The following EYA3 variants were observed in gnomAD, a reference collection of about 807,000 sequenced individuals.
EYA3 encodes EYA transcriptional coactivator and phosphatase 3, also known as protein phosphatase EYA3.
A neutral mutation model predicts 80.0 loss-of-function variants in EYA3; 39 were observed. The ratio of observed to expected loss-of-function variants is 0.49; its 90% CI spans 0.38 to 0.64. The LOEUF is 0.64. EYA3 is among the 30% of genes least tolerant of loss of function. EYA3 has a pLI of 0.00. For missense variants in EYA3, 523 were observed against 676.1 expected (o/e 0.77, Z 2.51); for synonymous variants, 206 against 232.8 (o/e 0.88, Z 1.05).
intron 13 of EYA3, among the ~76,000 whole-genome samples, chr1:27,997,107 C>G (rs1049213179): frequency 6.6e-5 from 10 of 152,260 alleles, no homozygotes; most frequent in African/African-American, 1.9e-4. Context: ...CCTATCCCAA[C>G]AGAATTCTTT....
chr1:28,061,519 A>G (rs781374008), intron 1 of EYA3, among the ~76,000 whole-genome samples: 5 of 152,228 alleles, frequency 3.3e-5, no homozygotes, highest in Non-Finnish European at 7.3e-5. Context: ...AAAACTTGGT[A>G]ATAAAAGAAG....
At chr1:28,027,715 G>A in intron 7 of EYA3, 74 bp downstream of exon 7, 1 of 1,577,930 alleles carries the variant, frequency 6.3e-7, no homozygotes, top group South Asian at 1.1e-5. Context: ...TTGTTTGTTT[G>A]GAGATACAGG....
At chr1:28,080,484 G>C (rs1163448641) in intron 1 of EYA3, among the ~76,000 whole-genome samples, 1 of 151,870 alleles carries the variant, frequency 6.6e-6, no homozygotes, top group African/African-American at 2.4e-5. Context: ...AAACAAAATA[G>C]AATAGAAAAT....
At chr1:28,001,729 A>T (rs1640862742) in intron 11 of EYA3, among the ~76,000 whole-genome samples, 1 of 118,470 alleles carries the variant, frequency 8.4e-6, no homozygotes, top group Admixed American at 8.3e-5. Context: ...ACAGAGCGAG[A>T]CTCTGTCTCA....
intron 15 of EYA3, 50 bp from the exon 16 acceptor site, chr1:27,988,706 G>A (rs1287348826): frequency 6.3e-7 from 1 of 1,599,180 alleles, no homozygotes; most frequent in Non-Finnish European, 8.5e-7. Context: ...ACCAACCTGG[G>A]AGCAAGAATT....
intron 8 of EYA3, among the ~76,000 whole-genome samples, chr1:28,016,358 A>T (rs760564128): frequency 2.0e-5 from 3 of 152,008 alleles, no homozygotes; most frequent in Non-Finnish European, 4.4e-5. Flanking sequence ...GTGAAACCTC[A>T]TCTCTACTAA....
At chr1:28,019,375 T>C (rs1294853782) in intron 7 of EYA3, among the ~76,000 whole-genome samples, 1 of 152,208 alleles carries the variant, frequency 6.6e-6, no homozygotes. Flanking sequence ...TCTTTCCTAC[T>C]GTGGCTTAAG....
At chr1:27,977,318 C>T in intron 17 of EYA3, 1 of 1,550,552 alleles carries the variant, frequency 6.4e-7, no homozygotes, top group Non-Finnish European at 8.7e-7. Flanking sequence ...TTCCACTTAA[C>T]TGGATGAAGA....
At chr1:27,974,567 C>G in intron 17 of EYA3, 21 bp from the exon 18 acceptor site, 2 of 1,599,232 alleles carry the variant, frequency 1.3e-6, no homozygotes, top group Non-Finnish European at 1.7e-6. Context: ...GTGGGAATAG[C>G]TGGTTAATCC....
chr1:28,058,059 A>G lies in EYA3; in HGVS notation c.-33T>C. 6.5e-7 allele frequency: 1 copy of G among 1,544,848 alleles called. No individual in the cohort carries two copies. Among genetic ancestry groups the G allele is most frequent in the Admixed American group, 1.9e-5 (1 of 53,004 alleles). ...AATATTTCTTTATTATACTTATGTGACTGGATTGCAAGTCTCTCTCAGCAG... is the reference window on the plus strand; with the variant it reads ...AATATTTCTTTATTATACTTATGTGGCTGGATTGCAAGTCTCTCTCAGCAG... On this transcript the variant is annotated 5_prime_UTR_variant, in exon 2 of 18. Coordinates refer to ENST00000373871, the MANE Select transcript of EYA3 (RefSeq NM_001990.4).
chr1:27,989,864 C>G (rs1639915260), intron 14 of EYA3, 53 bp from the exon 15 acceptor site: 3 of 1,196,202 alleles, frequency 2.5e-6, no homozygotes, highest in Admixed American at 4.5e-5. Context: ...TATTTGCTGA[C>G]AGTGAGAAAG....
At chr1:27,978,923 T>A (rs1639127030) in intron 16 of EYA3, among the ~76,000 whole-genome samples, 1 of 152,144 alleles carries the variant, frequency 6.6e-6, no homozygotes. Flanking sequence ...GATCATGCCA[T>A]CGCACTCCAG....
intron 5 of EYA3, among the ~76,000 whole-genome samples, chr1:28,037,636 AG>A (rs1311317771): frequency 6.6e-6 from 1 of 152,220 alleles, no homozygotes; most frequent in Non-Finnish European, 1.5e-5. Flanking sequence ...CTCAGAGAAT[AG>A]GTTCAGTTAT....
intron 17 of EYA3, among the ~76,000 whole-genome samples, chr1:27,976,341 TC>T (rs55866450): frequency 0.35 from 53,774 of 151,882 alleles, 10,215 homozygotes; most frequent in South Asian, 0.46. Flanking sequence ...GCACCTGTAG[TC>T]CCAGCTACTT....
intron 3 of EYA3, among the ~76,000 whole-genome samples, chr1:28,045,820 A>G (rs181024260): frequency 1.3e-5 from 2 of 152,356 alleles, no homozygotes; most frequent in Non-Finnish European, 2.9e-5. Flanking sequence ...CCAAGTCCAT[A>G]AAGTGGCACA....
intron 7 of EYA3, among the ~76,000 whole-genome samples, chr1:28,021,495 T>A (rs2148814620): frequency 6.6e-6 from 1 of 152,188 alleles, no homozygotes. Context: ...TGTCTTATAA[T>A]CTCCAGCATC....
Position 28,042,583 on chromosome 1 carries a change from T to C in EYA3, c.145A>G (p.Met49Val). 1 of 1,613,940 alleles carries C rather than the reference T, an allele frequency of 6.2e-7. No homozygotes were observed. The highest frequency in any genetic ancestry group is 8.5e-7 in the Non-Finnish European group (1 of 1,179,780). Residue 49 changes from methionine (M) to valine (V), a missense_variant, in exon 4 of 18, where the codon ATG becomes GTG. This residue lies in a region of EYA3 where 304 missense variants were observed against 343.3 expected (regional missense o/e 0.89). Transcript: ENST00000373871. ...ETSSLASNLPMSEEIMTCTDY... is the reference protein window; with the variant it reads ...ETSSLASNLPVSEEIMTCTDY... ...ATATGGTACTTACTTTCCTCTGACA[T>C]GGGAAGGTTTGAAGCAAGGCTTGAT...
intron 16 of EYA3, among the ~76,000 whole-genome samples, chr1:27,982,464 T>A (rs759680684): frequency 0.024 from 3,280 of 138,284 alleles, 95 homozygotes; most frequent in African/African-American, 0.073. Flanking sequence ...TGCTCTAGAT[T>A]AAAAAAAAAA....
At chr1:28,076,476 C>G (rs949459894) in intron 1 of EYA3, among the ~76,000 whole-genome samples, 1 of 151,552 alleles carries the variant, frequency 6.6e-6, no homozygotes, top group Non-Finnish European at 1.5e-5. Context: ...TTTGGTAGGC[C>G]GAGGTGGGTG....
Sources: gnomAD v4.1 joint callset for allele counts (sites outside exome capture counted in the v4.1 genomes callset) on GRCh38, gnomAD v4.1.1 for gene constraint, gnomAD v4.1.1 regional missense constraint, MANE v1.5 for transcripts, NCBI Gene and HGNC (gene_info 2026-07-23, HGNC 2026-07-21) for gene names.